Variants in OR5B12 observed in about 807,000 individuals in gnomAD.
OR5B12 encodes the protein olfactory receptor 5B12.
For missense variants in OR5B12, 418 were observed against 377.0 expected (o/e 1.11, Z -0.90); for synonymous variants, 154 against 138.0 (o/e 1.12, Z -0.81).
In OR5B12 at chr11:58,439,419, C is replaced by T. The variant is rs190257845; in HGVS notation, c.733G>A (p.Ala245Thr). 1 of 1,613,988 alleles carries T rather than the reference C, an allele frequency of 6.2e-7. No homozygotes were observed. The highest frequency in any genetic ancestry group is 8.5e-7 in the Non-Finnish European group (1 of 1,179,988). The part of the protein sequence containing the change: ...AFSTCASHLT[A>T]VSIFYGTGIF... ...CCTGTCCCATAAAAGATGGAAACTG[C>T]AGTAAGGTGGGAAGCACAAGTAGAA... The change falls in exon 2 of 2, where the codon GCA (alanine) becomes ACA (threonine). Residue 245 changes from alanine (A) to threonine (T), a missense_variant. By Grantham distance (58) the Ala-to-Thr change is moderately conservative. Transcript: ENST00000641921.
In OR5B12 at chr11:58,440,078, A is replaced by G; in HGVS notation, c.74T>C (p.Leu25Pro). Reference sequence around the variant, plus strand: ...GTAGATGAAAAGGAAGACTATGAAGAGTGGGATCTGCAGTTCTGGGTCATC... The same window carrying G: ...GTAGATGAAAAGGAAGACTATGAAGGGTGGGATCTGCAGTTCTGGGTCATC... ...LTDDPELQIP[L>P]FIVFLFIYLI... The change falls in exon 2 of 2, where the codon CTC (leucine) becomes CCC (proline). Residue 25 changes from leucine to proline, a missense_variant. By Grantham distance (98) the Leu-to-Pro change is moderately conservative. Coordinates refer to ENST00000641921, the MANE Select transcript of OR5B12 (RefSeq NM_001004733.3). 1 of 1,614,112 alleles carries G rather than the reference A, an allele frequency of 6.2e-7. No individual in the cohort carries two copies.
Position 58,440,041 on chromosome 11 carries a change from C to G in OR5B12, c.111G>C (p.Leu37=), listed in dbSNP as rs150493234. Residue 37 remains leucine, a synonymous_variant, in exon 2 of 2, where the codon CTG becomes CTC. Transcript: ENST00000641921. ...IVFLFIYLIT[L]VGNLGMIELI... ...ATTCAATCATCCCCAGGTTCCCAAC[C>G]AGAGTGATGAGGTAGATGAAAAGGA... 3 of 1,614,024 alleles carry G rather than the reference C, an allele frequency of 1.9e-6. No individual in the cohort carries two copies. The highest frequency in any genetic ancestry group is 2.5e-6 in the Non-Finnish European group (3 of 1,179,970).
intron 1 of OR5B12, among the ~76,000 whole-genome samples, chr11:58,441,100 A>G (rs1855494779): frequency 6.6e-6 from 1 of 152,344 alleles, no homozygotes. Context: ...GTAGACCATC[A>G]GTCGGTCCAC....
chr11:58,441,795 C>G (rs886878340), intron 1 of OR5B12, among the ~76,000 whole-genome samples: 1 of 152,090 alleles, frequency 6.6e-6, no homozygotes, highest in Non-Finnish European at 1.5e-5. Context: ...CAATATATCT[C>G]ATAAACATGC....
chr11:58,441,306 C>A (rs1016533062), intron 1 of OR5B12, among the ~76,000 whole-genome samples: 3 of 152,010 alleles, frequency 2.0e-5, no homozygotes, highest in Admixed American at 2.0e-4. Context: ...TTCTGTCTCT[C>A]TTTTTAAAAA....
intron 1 of OR5B12, among the ~76,000 whole-genome samples, chr11:58,441,656 A>C (rs1855502320): frequency 6.6e-6 from 1 of 152,198 alleles, no homozygotes; most frequent in African/African-American, 2.4e-5. Context: ...TCCACACATA[A>C]GTATGTAGCA....
At chr11:58,441,065 G>T (rs73485963) in intron 1 of OR5B12, among the ~76,000 whole-genome samples, 2 of 151,860 alleles carry the variant, frequency 1.3e-5, no homozygotes, top group Non-Finnish European at 2.9e-5. Context: ...AGAACTGTGT[G>T]ATAGATGTTA....
At position 58,439,036 on chromosome 11, in the gene OR5B12, G is replaced by C. The variant is rs1267182069; in HGVS notation, c.*171C>G. On this transcript the variant is annotated 3_prime_UTR_variant, in exon 2 of 2. Coordinates refer to ENST00000641921, the MANE Select transcript of OR5B12 (RefSeq NM_001004733.3). The stretch of plus-strand genomic sequence containing the variant: ...TATTTTTTATTATTTAAAATGTCCA[G>C]ATTTTAACAACAAAAAAAGTGTCAC... 2.4e-6 allele frequency: 1 copy of C among 424,248 alleles called. No homozygotes were observed. Among genetic ancestry groups the C allele is most frequent in the Non-Finnish European group, 4.2e-6 (1 of 238,064 alleles). 26.3% of individuals were successfully genotyped at this position (424,248 alleles called of 1,614,324 possible). A position where few individuals can be genotyped will look rare whatever the true frequency, so the allele number is the denominator to read the frequency against.
At position 58,439,041 on chromosome 11, in the gene OR5B12, TAAC is replaced by T; in HGVS notation, c.*163_*165del. The T allele has an allele frequency of 2.3e-6, 1 of 428,230 alleles. No homozygotes were observed. Among genetic ancestry groups the T allele is most frequent in the Non-Finnish European group, 4.2e-6 (1 of 240,000 alleles). The allele number at this position is 428,230 out of a possible 1,614,324, so 26.5% of individuals were successfully genotyped here. A position where few individuals can be genotyped will look rare whatever the true frequency, so the allele number is the denominator to read the frequency against. ...TTTATTATTTAAAATGTCCAGATTTTAACAACAAAAAAAGTGTCACTTAAAGAA... is the reference window on the plus strand; with the variant it reads ...TTTATTATTTAAAATGTCCAGATTTTAACAAAAAAAGTGTCACTTAAAGAA... On this transcript the variant is annotated 3_prime_UTR_variant, in exon 2 of 2. Coordinates refer to ENST00000641921, the MANE Select transcript of OR5B12 (RefSeq NM_001004733.3).
Position 58,440,122 on chromosome 11 carries a change from G to T in OR5B12, c.30C>A (p.Phe10Leu), listed in dbSNP as rs1855485900. 6.2e-6 allele frequency: 10 copies of T among 1,610,632 alleles called. No homozygotes were observed. The East Asian group carries it at 2.0e-4, about 32-fold the overall frequency. Residue 10 changes from phenylalanine (F) to leucine (L), a missense_variant, in exon 2 of 2, where the codon TTC (phenylalanine) becomes TTA (leucine). Transcript: ENST00000641921. The stretch of plus-strand genomic sequence containing the variant: ...GGTCATCAGTTAACCCCACAAGGAT[G>T]AATTCAGTCACCTCTGTGTTGTTCT... MENNTEVTE[F>L]ILVGLTDDPE... is the part of the protein sequence containing the mutation.
Position 58,440,042 on chromosome 11 carries a change from A to G in OR5B12, c.110T>C (p.Leu37Pro). The G allele has an allele frequency of 6.2e-7, 1 of 1,614,128 alleles. No individual in the cohort carries two copies. Among genetic ancestry groups the G allele is most frequent in the Non-Finnish European group, 8.5e-7 (1 of 1,179,966 alleles). ...IVFLFIYLIT[L>P]VGNLGMIELI... ...TTCAATCATCCCCAGGTTCCCAACC[A>G]GAGTGATGAGGTAGATGAAAAGGAA... Residue 37 changes from leucine (L) to proline (P), a missense_variant, in exon 2 of 2, where the codon CTG becomes CCG. Transcript: ENST00000641921.
chr11:58,441,096 C>T, intron 1 of OR5B12, among the ~76,000 whole-genome samples: 1 of 152,130 alleles, frequency 6.6e-6, no homozygotes, highest in South Asian at 2.1e-4. Flanking sequence ...CACTGTAGAC[C>T]ATCAGTCGGT....
chr11:58,439,356 T>C lies in OR5B12; in HGVS notation c.796A>G (p.Met266Val). 3 of 1,614,030 alleles carry C rather than the reference T, an allele frequency of 1.9e-6. No individual in the cohort carries two copies. Among genetic ancestry groups the C allele is most frequent in the African/African-American group, 1.3e-5 (1 of 75,010 alleles). ...ACAGATGCCATTTTGTCTGTGCCCA[T>C]GAAATGGCTGGAGTTAGGTCGTAAG... ...MYLRPNSSHF[M>V]GTDKMASVFY... Residue 266 changes from methionine (M) to valine (V), a missense_variant, in exon 2 of 2, where the codon ATG becomes GTG. By Grantham distance (21) the Met-to-Val change is conservative. Coordinates refer to ENST00000641921, the MANE Select transcript of OR5B12 (RefSeq NM_001004733.3).
Position 58,439,643 on chromosome 11 carries a change from T to C in OR5B12, c.509A>G (p.Asn170Ser), listed in dbSNP as rs911155165. The C allele has an allele frequency of 6.2e-7, 1 of 1,613,934 alleles. No homozygotes were observed. The highest frequency in any genetic ancestry group is 8.5e-7 in the Non-Finnish European group (1 of 1,180,002). The change falls in exon 2 of 2, where the codon AAT becomes AGT. Residue 170 changes from asparagine to serine, a missense_variant. Physicochemically the swap from Asn to Ser is conservative, Grantham distance 46. Coordinates refer to ENST00000641921, the MANE Select transcript of OR5B12 (RefSeq NM_001004733.3). Reference protein sequence around the residue: ...NTFRLSFCRSNVVEHFFCDAP... With the variant: ...NTFRLSFCRSSVVEHFFCDAP... The stretch of plus-strand genomic sequence containing the variant: ...ATCACAGAAAAAGTGTTCAACTACA[T>C]TGGATCTACAGAAGGAGAGCCTGAA...
At chr11:58,441,157 A>C (rs191719110) in intron 1 of OR5B12, among the ~76,000 whole-genome samples, 105 of 152,308 alleles carry the variant, frequency 6.9e-4, no homozygotes, top group African/African-American at 2.5e-3. Context: ...GTTTTTAGTG[A>C]CAGAATTAGC....
chr11:58,441,112 A>G (rs1271752778), intron 1 of OR5B12, among the ~76,000 whole-genome samples: 2 of 152,210 alleles, frequency 1.3e-5, no homozygotes, highest in Non-Finnish European at 2.9e-5. Flanking sequence ...TCGGTCCACA[A>G]TATAGTTTAT....
rs1287240037 is a variant in OR5B12 at position 58,439,555 on chromosome 11, A to T, written c.597T>A (p.Phe199Leu). Reference sequence around the variant, plus strand: ...AAAAGAGGTCATTGAATCCCACCACAAAAAAAATAACCATCTCACTGATGT... The same window carrying T: ...AAAAGAGGTCATTGAATCCCACCACTAAAAAAATAACCATCTCACTGATGT... The part of the protein sequence containing the change: ...DNYISEMVIF[F>L]VVGFNDLFSI... The change falls in exon 2 of 2, where the codon TTT (phenylalanine) becomes TTA (leucine). Residue 199 changes from phenylalanine to leucine, a missense_variant. By Grantham distance (22) the Phe-to-Leu change is conservative. Transcript: ENST00000641921. 2.5e-6 allele frequency: 4 copies of T among 1,607,674 alleles called. No homozygotes were observed. In the African/African-American group the frequency reaches 4.0e-5, roughly 16 times the overall value.
Position 58,439,734 on chromosome 11 carries a change from C to G in OR5B12, c.418G>C (p.Ala140Pro), listed in dbSNP as rs1367465180. 1 of 1,614,000 alleles carries G rather than the reference C, an allele frequency of 6.2e-7. No individual in the cohort carries two copies. The highest frequency in any genetic ancestry group is 1.7e-5 in the Admixed American group (1 of 59,992). ...YTTTMTTNVC[A>P]CLAIGSYICG... ...ATGTAGGAGCCTATGGCCAGGCAAG[C>G]ACATACATTTGTTGTCATGGTGGTG... The change falls in exon 2 of 2, where the codon GCT becomes CCT. Residue 140 changes from alanine to proline, a missense_variant. By Grantham distance (27) the Ala-to-Pro change is conservative. Transcript: ENST00000641921.
chr11:58,441,464 T>G (rs1447828970), intron 1 of OR5B12, among the ~76,000 whole-genome samples: 1 of 152,164 alleles, frequency 6.6e-6, no homozygotes, highest in Non-Finnish European at 1.5e-5. Flanking sequence ...TTGCTCAAAG[T>G]AATGCAATCT....
Sources: allele counts gnomAD v4.1 joint callset (sites outside exome capture counted in the v4.1 genomes callset), GRCh38; gene constraint gnomAD v4.1.1; transcripts MANE v1.5; gene names NCBI Gene and HGNC (gene_info 2026-07-23, HGNC 2026-07-21).